The following CD86 variants were observed in gnomAD, a reference collection of about 807,000 sequenced individuals.
CD86 encodes T-lymphocyte activation antigen CD86.
CD86 carries 11 observed loss-of-function variants against 32.1 expected under a neutral mutation model. The ratio of observed to expected loss-of-function variants is 0.34; its 90% CI spans 0.22 to 0.57. The LOEUF (loss-of-function observed/expected upper bound fraction) is 0.57, where lower values mean the gene tolerates loss of function less well. CD86 is among the 20% of genes least tolerant of loss of function. The pLI, the probability that CD86 is intolerant of heterozygous loss-of-function variation, is 0.86. For missense variants in CD86, 359 were observed against 398.4 expected (o/e 0.90, Z 0.84); for synonymous variants, 137 against 135.3 (o/e 1.01, Z -0.09).
intron 5 of CD86, among the ~76,000 whole-genome samples, chr3:122,117,188 G>A (rs1185211828): frequency 6.6e-6 from 1 of 152,092 alleles, no homozygotes; most frequent in African/African-American, 2.4e-5. Context: ...TACCCAATGT[G>A]TAGTCTTTTA....
intron 1 of CD86, among the ~76,000 whole-genome samples, chr3:122,077,573 T>A (rs1264841216): frequency 6.6e-6 from 1 of 152,256 alleles, no homozygotes; most frequent in Non-Finnish European, 1.5e-5. Context: ...GCCTGTCACA[T>A]GGTTGCCCAC....
rs2073312991 is a variant in CD86 at position 122,119,638 on chromosome 3, A to C, written c.*104A>C. 1 of 707,678 alleles carries C rather than the reference A, an allele frequency of 1.4e-6. No individual in the cohort carries two copies. Among genetic ancestry groups the C allele is most frequent in the South Asian group, 1.7e-5 (1 of 58,102 alleles). The allele number at this position is 707,678 out of a possible 1,614,324, so 43.8% of individuals were successfully genotyped here. A position where few individuals can be genotyped will look rare whatever the true frequency, so the allele number is the denominator to read the frequency against. Reference sequence around the variant, plus strand: ...TTCCAGAAGGCAAAAAGACATTACCATGAGTAATAAGGGGGCTCCAGGACT... The same window carrying C: ...TTCCAGAAGGCAAAAAGACATTACCCTGAGTAATAAGGGGGCTCCAGGACT... On this transcript the variant is annotated 3_prime_UTR_variant, in exon 7 of 7. Transcript: ENST00000330540.
intron 1 of CD86, among the ~76,000 whole-genome samples, chr3:122,079,382 A>G (rs891554430): frequency 1.3e-5 from 2 of 152,206 alleles, no homozygotes; most frequent in Non-Finnish European, 2.9e-5. Context: ...TTCAGCAGAA[A>G]AATCAAGGTT....
At chr3:122,101,509 A>ATATATATATATATAT (rs1436647275) in intron 2 of CD86, among the ~76,000 whole-genome samples, 1 of 57,008 alleles carries the variant, frequency 1.8e-5, no homozygotes, top group South Asian at 7.3e-4. Flanking sequence ...AAAAAAAAAA[A>ATATATATATATATAT]AAAAATATAT....
At chr3:122,116,108 G>A (rs1381812628) in intron 5 of CD86, among the ~76,000 whole-genome samples, 2 of 152,078 alleles carry the variant, frequency 1.3e-5, no homozygotes, top group African/African-American at 4.8e-5. Flanking sequence ...TTCTTAGATA[G>A]GACACAGAAA....
intron 1 of CD86, among the ~76,000 whole-genome samples, chr3:122,067,485 C>T (rs1410578950): frequency 6.6e-6 from 1 of 152,210 alleles, no homozygotes; most frequent in Non-Finnish European, 1.5e-5. Flanking sequence ...GTCCTTACCA[C>T]AGTCATCCCA....
chr3:122,089,548 T>C (rs2072779778), intron 1 of CD86, among the ~76,000 whole-genome samples: 2 of 152,178 alleles, frequency 1.3e-5, no homozygotes, highest in South Asian at 4.1e-4. Flanking sequence ...CCATTTCCTA[T>C]TGCTAAAGAT....
chr3:122,117,815 T>G (rs899272907), intron 5 of CD86, among the ~76,000 whole-genome samples: 2 of 152,232 alleles, frequency 1.3e-5, no homozygotes, highest in African/African-American at 4.8e-5. Flanking sequence ...AAAAATCTAT[T>G]TCCAGTGTTA....
intron 2 of CD86, among the ~76,000 whole-genome samples, chr3:122,097,745 G>C (rs375033309): frequency 6.6e-6 from 1 of 152,000 alleles, no homozygotes; most frequent in African/African-American, 2.4e-5. Context: ...GGCTAGGAGT[G>C]GAAAAAATAC....
At chr3:122,077,705 G>T (rs1401525322) in intron 1 of CD86, 7 of 942,304 alleles carry the variant, frequency 7.4e-6, no homozygotes, top group Non-Finnish European at 8.9e-6. Flanking sequence ...TCCCTTTGGG[G>T]GTTTCCCAGG....
intron 1 of CD86, among the ~76,000 whole-genome samples, chr3:122,055,873 G>A (rs1281914353): frequency 6.6e-6 from 1 of 152,044 alleles, no homozygotes; most frequent in Admixed American, 6.6e-5. Context: ...TCTGAGGGTG[G>A]AGGAATGAGA....
At chr3:122,055,538 A>G (rs1392326174) in intron 1 of CD86, 35 bp downstream of exon 1, 7 of 1,609,128 alleles carry the variant, frequency 4.4e-6, no homozygotes, top group Non-Finnish European at 1.7e-6. Flanking sequence ...CAGAGAAGTT[A>G]TGAGTTGTGA....
intron 2 of CD86, among the ~76,000 whole-genome samples, chr3:122,100,722 TCAGC>T (rs2072986559): frequency 6.6e-6 from 1 of 152,150 alleles, no homozygotes; most frequent in African/African-American, 2.4e-5. Context: ...ACAAATTCCT[TCAGC>T]TGATTACGAA....
At chr3:122,077,220 C>G (rs957383252) in intron 1 of CD86, among the ~76,000 whole-genome samples, 62 of 152,296 alleles carry the variant, frequency 4.1e-4, no homozygotes, top group African/African-American at 1.3e-3. Context: ...GGGAGGATCA[C>G]ATACGAGTGA....
intron 1 of CD86, among the ~76,000 whole-genome samples, chr3:122,075,918 C>T (rs1219818414): frequency 3.3e-5 from 5 of 152,106 alleles, no homozygotes; most frequent in Admixed American, 2.6e-4. Context: ...ATATATATGC[C>T]ATGTTATTTA....
intron 2 of CD86, among the ~76,000 whole-genome samples, chr3:122,093,696 CAT>C (rs138465555): frequency 3.3e-5 from 5 of 151,030 alleles, no homozygotes; most frequent in Non-Finnish European, 4.4e-5. Context: ...ACAGTATATG[CAT>C]ATATATATAT....
chr3:122,066,145 C>T (rs1311470135), intron 1 of CD86, among the ~76,000 whole-genome samples: 1 of 152,152 alleles, frequency 6.6e-6, no homozygotes, highest in Non-Finnish European at 1.5e-5. Flanking sequence ...GGCTGAGGGT[C>T]CCAGTCAAGA....
intron 1 of CD86, among the ~76,000 whole-genome samples, chr3:122,060,051 A>G (rs115653212): frequency 0.025 from 3,850 of 152,290 alleles, 81 homozygotes; most frequent in Middle Eastern, 0.037. Flanking sequence ...AGTTTGTGGT[A>G]CTTTGTTACC....
intron 1 of CD86, among the ~76,000 whole-genome samples, chr3:122,073,044 T>C (rs1186188534): frequency 6.6e-6 from 1 of 151,502 alleles, no homozygotes; most frequent in Non-Finnish European, 1.5e-5. Context: ...TAGTTGTAGA[T>C]ATGCGGCCTT....
Sources: allele counts gnomAD v4.1 joint callset (sites outside exome capture counted in the v4.1 genomes callset), GRCh38; gene constraint gnomAD v4.1.1; transcripts MANE v1.5; gene names NCBI Gene and HGNC (gene_info 2026-07-23, HGNC 2026-07-21).